MICAL2: variants seen among roughly 807,000 people sequenced by gnomAD.
MICAL2 encodes microtubule associated monooxygenase, calponin and LIM domain containing 2.
In MICAL2, 77 loss-of-function variants were observed where a neutral mutation model predicts 127.3. The ratio of observed to expected loss-of-function variants is 0.60; its 90% CI spans 0.50 to 0.73. MICAL2 has a LOEUF of 0.73. Among genes scored for constraint, MICAL2 ranks in the 30% least tolerant of loss-of-function variants. The pLI is 0.00. For missense variants in MICAL2, 1,351 were observed against 1,434.4 expected, an observed-to-expected ratio of 0.94 and a Z score of 0.94; for synonymous variants, 570 against 551.1, an observed-to-expected ratio of 1.03 and a Z score of -0.48.
Position 12,242,393 on chromosome 11 carries a change from G to T in MICAL2, c.2517G>T (p.Val839=). 2 of 1,610,704 alleles carry T rather than the reference G, an allele frequency of 1.2e-6. No individual in the cohort carries two copies. The highest frequency in any genetic ancestry group is 1.7e-6 in the Non-Finnish European group (2 of 1,177,568). ...TRPRAQALSG[V]LWRLQQVEEK... ...CGAGGGCGCAGGCTCTTTCCGGGGTGCTGTGGCGGCTGCAGCAAGTGGAGG... is the reference window on the plus strand; with the variant it reads ...CGAGGGCGCAGGCTCTTTCCGGGGTTCTGTGGCGGCTGCAGCAAGTGGAGG... Residue 839 remains valine (V), a synonymous_variant, in exon 19 of 28, where the codon GTG becomes GTT. Coordinates refer to ENST00000683283, the MANE Select transcript of MICAL2 (RefSeq NM_001282663.2).
intron 3 of MICAL2, among the ~76,000 whole-genome samples, chr11:12,184,778 G>GC (rs1346477521): frequency 6.6e-6 from 1 of 151,870 alleles, no homozygotes; most frequent in East Asian, 2.0e-4. Flanking sequence ...AGTTTCCAAT[G>GC]CCCCTGTCTA....
intron 1 of MICAL2, among the ~76,000 whole-genome samples, chr11:12,119,614 C>A (rs1023950988): frequency 6.6e-6 from 1 of 152,212 alleles, no homozygotes; most frequent in African/African-American, 2.4e-5. Context: ...CCCCTTCTTT[C>A]CACCTGCAGT....
intron 3 of MICAL2, among the ~76,000 whole-genome samples, chr11:12,200,255 G>C (rs72866052): frequency 0.08 from 12,180 of 152,284 alleles, 697 homozygotes; most frequent in Middle Eastern, 0.13. Flanking sequence ...GGAGCGCGGG[G>C]CAGGAGCTTA....
intron 3 of MICAL2, among the ~76,000 whole-genome samples, chr11:12,166,437 G>A (rs1174470009): frequency 6.6e-6 from 1 of 152,218 alleles, no homozygotes; most frequent in Non-Finnish European, 1.5e-5. Context: ...AGACAGATAT[G>A]TAATTATTTC....
rs147442467 is a variant in MICAL2, at chr11:12,260,673, T to G, written c.3334+776T>G. 1,074 of 985,942 alleles carry G rather than the reference T, an allele frequency of 1.1e-3. 9 individuals carry two copies. The African/African-American group carries it at 0.011, about 10-fold the overall frequency. The allele number at this position is 985,942 out of a possible 1,614,324, so 61.1% of individuals were successfully genotyped here. On this transcript the variant is annotated intron_variant, in intron 26 of 27. Coordinates refer to ENST00000683283, the MANE Select transcript of MICAL2 (RefSeq NM_001282663.2). ...CACTTGTCAGCAGCAGGATACTTTT[T>G]ACAACACGAAAGCATAATTATTTTA...
intron 22 of MICAL2, chr11:12,254,109 G>A (rs1224973970): frequency 2.0e-5 from 3 of 152,184 alleles, no homozygotes; most frequent in African/African-American, 7.2e-5. Context: ...TGCATCAGAT[G>A]CTGCTGTCAC....
intron 22 of MICAL2, among the ~76,000 whole-genome samples, chr11:12,250,886 T>C (rs531427170): frequency 6.0e-4 from 92 of 152,310 alleles, no homozygotes; most frequent in African/African-American, 2.1e-3. Context: ...AATGCATGCT[T>C]CTGTTTGGTA....
chr11:12,354,710 C>G, intron 33 of MICAL2: 1 of 1,273,944 alleles, frequency 7.8e-7, no homozygotes, highest in Non-Finnish European at 1.1e-6. Context: ...TGTAGCTACT[C>G]TCAATGGGCT....
At chr11:12,165,138 C>CAAAAAAAA (rs1207353830) in intron 3 of MICAL2, among the ~76,000 whole-genome samples, 1 of 73,396 alleles carries the variant, frequency 1.4e-5, no homozygotes, top group African/African-American at 5.2e-5. Flanking sequence ...GACTCCATCT[C>CAAAAAAAA]AAAAAAAAAA....
chr11:12,212,840 T>C (rs189969031), intron 6 of MICAL2, among the ~76,000 whole-genome samples: 9 of 152,294 alleles, frequency 5.9e-5, no homozygotes, highest in Admixed American at 4.6e-4. Flanking sequence ...GAATTCAATG[T>C]GATCTACTTT....
intron 24 of MICAL2, among the ~76,000 whole-genome samples, chr11:12,268,859 C>T (rs559768691): frequency 5.3e-5 from 8 of 151,756 alleles, no homozygotes; most frequent in East Asian, 3.9e-4. Flanking sequence ...ATTAGCCAGG[C>T]GTAGTGGCAG....
chr11:12,188,509 A>G (rs572316190), intron 3 of MICAL2, among the ~76,000 whole-genome samples: 6 of 152,194 alleles, frequency 3.9e-5, no homozygotes, highest in South Asian at 2.1e-4. Context: ...ACATCCTACA[A>G]TGCACAGGAT....
intron 16 of MICAL2, among the ~76,000 whole-genome samples, chr11:12,238,648 G>GATTGA (rs1859435810): frequency 7.2e-6 from 1 of 138,048 alleles, no homozygotes; most frequent in Admixed American, 7.3e-5. Context: ...TGCAGTGTGG[G>GATTGA]ATCCTGGGAC....
chr11:12,328,203 C>A (rs1864376266), intron 32 of MICAL2, among the ~76,000 whole-genome samples: 1 of 152,190 alleles, frequency 6.6e-6, no homozygotes, highest in South Asian at 2.1e-4. Context: ...GGGTCTGTAA[C>A]AATGAGTATG....
rs373421937 is a variant in MICAL2 at position 12,259,890 on chromosome 11, C to T, written c.3327C>T (p.Ser1109=). Residue 1109 remains serine, a synonymous_variant, in exon 26 of 28, where the codon AGC becomes AGT. Transcript: ENST00000683283. ...CCGCCATTGGCACCCTGGAAGGCAGCCCCCCAGGTATCTCCACCTCCTTCT... is the reference window on the plus strand; with the variant it reads ...CCGCCATTGGCACCCTGGAAGGCAGTCCCCCAGGTATCTCCACCTCCTTCT... ...AVAAIGTLEG[S]PPVHFSLPVL... 1.2e-6 allele frequency: 2 copies of T among 1,612,368 alleles called. No homozygotes were observed. The highest frequency in any genetic ancestry group is 1.3e-5 in the African/African-American group (1 of 74,864).
At position 12,180,350 on chromosome 11, in the gene MICAL2, T is replaced by TATATATATATATATATA. The variant is rs1554968182; in HGVS notation, c.264+17931_264+17932insATATATATATATATATA. 3.4e-3 allele frequency among the ~76,000 whole-genome samples: 352 copies of TATATATATATATATATA among 104,056 alleles called. 3 individuals carry two copies. Among genetic ancestry groups the TATATATATATATATATA allele is most frequent in the South Asian group, 7.7e-3 (17 of 2,200 alleles). 68.3% of individuals were successfully genotyped at this position (104,056 alleles called of 152,430 possible). ...TTATATACATGTATATATGTATATATTTTTTTTTTGGCAGGAAGGTTTCCC... is the reference window on the plus strand; with the variant it reads ...TTATATACATGTATATATGTATATATATATATATATATATATATTTTTTTTTGGCAGGAAGGTTTCCC... On this transcript the variant is annotated intron_variant, in intron 3 of 27. Transcript: ENST00000683283.
intron 34 of MICAL2, among the ~76,000 whole-genome samples, chr11:12,357,426 G>C (rs557901167): frequency 7.3e-4 from 111 of 152,256 alleles, no homozygotes; most frequent in Non-Finnish European, 1.4e-3. Flanking sequence ...TCAGGTACTC[G>C]AGAAGACAAA....
At chr11:12,150,230 T>C (rs75084712) in intron 2 of MICAL2, among the ~76,000 whole-genome samples, 2 of 152,328 alleles carry the variant, frequency 1.3e-5, no homozygotes, top group Non-Finnish European at 2.9e-5. Flanking sequence ...TGACTTCATA[T>C]TGATAAATTC....
intron 15 of MICAL2, among the ~76,000 whole-genome samples, chr11:12,233,076 G>A (rs550860131): frequency 6.6e-6 from 1 of 152,314 alleles, no homozygotes; most frequent in Non-Finnish European, 1.5e-5. Flanking sequence ...GGGTTTGGCA[G>A]TATCCATGGT....
Sources: allele counts gnomAD v4.1 joint callset (sites outside exome capture counted in the v4.1 genomes callset), GRCh38; gene constraint gnomAD v4.1.1; transcripts MANE v1.5; gene names NCBI Gene and HGNC (gene_info 2026-07-23, HGNC 2026-07-21).